Variants in CMTM8 observed in about 807,000 individuals in gnomAD.
CMTM8 encodes CKLF-like MARVEL transmembrane domain-containing protein 8.
A neutral mutation model predicts 18.6 loss-of-function variants in CMTM8; 12 were observed. The observed-to-expected ratio is 0.65, with a 90% CI of 0.41 to 1.05. The LOEUF is 1.05. Ranked by LOEUF, CMTM8 falls within the 50% of genes least tolerant of loss-of-function variation. The pLI is 0.00. For missense variants in CMTM8, 217 were observed against 227.2 expected (o/e 0.95, Z 0.29); for synonymous variants, 87 against 90.6 (o/e 0.96, Z 0.23).
At chr3:32,297,261 C>G (rs946209993) in intron 1 of CMTM8, among the ~76,000 whole-genome samples, 1 of 152,184 alleles carries the variant, frequency 6.6e-6, no homozygotes, top group African/African-American at 2.4e-5. Flanking sequence ...TCACTGCAAC[C>G]TCCACCTCCT....
chr3:32,298,845 GTGTA>G lies in CMTM8; in HGVS notation c.148-58526_148-58523del, dbSNP rs1236023110. Among the ~76,000 whole-genome samples, 2 of 132,146 alleles carry G rather than the reference GTGTA, an allele frequency of 1.5e-5. 1 individual carries two copies. The highest frequency in any genetic ancestry group is 3.2e-5 in the Non-Finnish European group (2 of 62,880). The allele number at this position is 132,146 out of a possible 152,430, so 86.7% of individuals were successfully genotyped here. ...TGTGTATGTGTATATATATGTGTGT[GTGTA>G]TATACACACACACATATATATACAC... On this transcript the variant is annotated intron_variant, in intron 1 of 3. Coordinates refer to ENST00000307526, the MANE Select transcript of CMTM8 (RefSeq NM_178868.5).
At chr3:32,355,971 A>G (rs1434224366) in intron 1 of CMTM8, among the ~76,000 whole-genome samples, 1 of 152,100 alleles carries the variant, frequency 6.6e-6, no homozygotes, top group East Asian at 1.9e-4. Context: ...TTCCCCCATC[A>G]TAGACCCTTA....
At chr3:32,312,705 C>T (rs1175051750) in intron 1 of CMTM8, among the ~76,000 whole-genome samples, 4 of 152,024 alleles carry the variant, frequency 2.6e-5, no homozygotes. Flanking sequence ...TCCCTCTTCC[C>T]TACCCAGAGG....
chr3:32,267,570 GC>G (rs901979395), intron 1 of CMTM8, among the ~76,000 whole-genome samples: 1 of 152,144 alleles, frequency 6.6e-6, no homozygotes, highest in Non-Finnish European at 1.5e-5. Flanking sequence ...AACACCAAAA[GC>G]AATGGCAACA....
chr3:32,360,890 G>A (rs1444057505), intron 2 of CMTM8, among the ~76,000 whole-genome samples: 1 of 152,234 alleles, frequency 6.6e-6, no homozygotes, highest in Admixed American at 6.5e-5. Context: ...ATAATTCTTA[G>A]GCATCTAAAA....
chr3:32,342,133 A>C (rs1398423621), intron 1 of CMTM8, among the ~76,000 whole-genome samples: 1 of 152,026 alleles, frequency 6.6e-6, no homozygotes, highest in Non-Finnish European at 1.5e-5. Context: ...TTGTAATCCC[A>C]GCTACTCAGG....
intron 2 of CMTM8, among the ~76,000 whole-genome samples, chr3:32,367,143 G>T (rs1697054417): frequency 6.6e-6 from 1 of 152,164 alleles, no homozygotes; most frequent in Non-Finnish European, 1.5e-5. Flanking sequence ...TTTCTGCTCT[G>T]GTTTCACCTC....
At chr3:32,296,945 A>G (rs1255993011) in intron 1 of CMTM8, among the ~76,000 whole-genome samples, 1 of 152,148 alleles carries the variant, frequency 6.6e-6, no homozygotes, top group Admixed American at 6.5e-5. Flanking sequence ...TATTGTAAAT[A>G]AGGGATCCTG....
intron 2 of CMTM8, among the ~76,000 whole-genome samples, chr3:32,361,484 A>G (rs1696930814): frequency 6.6e-6 from 1 of 152,076 alleles, no homozygotes; most frequent in Admixed American, 6.6e-5. Flanking sequence ...AGCTTTTACT[A>G]CCAAATGACT....
chr3:32,288,702 AT>A (rs2125554717), intron 1 of CMTM8, among the ~76,000 whole-genome samples: 1 of 152,136 alleles, frequency 6.6e-6, no homozygotes, highest in East Asian at 1.9e-4. Context: ...GCATTTCACC[AT>A]GTTAGCCAGG....
chr3:32,315,911 T>G (rs1393152873), intron 1 of CMTM8, among the ~76,000 whole-genome samples: 1 of 152,166 alleles, frequency 6.6e-6, no homozygotes, highest in Non-Finnish European at 1.5e-5. Context: ...TGGATCCATT[T>G]TGAGAAACTC....
At chr3:32,332,837 T>C (rs1236926871) in intron 1 of CMTM8, among the ~76,000 whole-genome samples, 1 of 152,204 alleles carries the variant, frequency 6.6e-6, no homozygotes, top group African/African-American at 2.4e-5. Context: ...TCATTGGTCC[T>C]CAAAAGGCCC....
rs374469343 is a variant in CMTM8 at position 32,357,528 on chromosome 3, G to C, written c.303G>C (p.Gln101His). The C allele has an allele frequency of 6.2e-7, 1 of 1,613,958 alleles. No homozygotes were observed. The highest frequency in any genetic ancestry group is 1.3e-5 in the African/African-American group (1 of 74,896). Residue 101 changes from glutamine to histidine, a missense_variant, in exon 2 of 4, where the codon CAG (glutamine) becomes CAC (histidine). Gln to His is a conservative substitution (Grantham distance 24). Transcript: ENST00000307526. The part of the protein sequence containing the change: ...YITMTYTRIP[Q>H]VPWTTVGLCF... ...CAATGACCTACACCAGGATTCCCCA[G>C]GTGCCCTGGACAACAGTGGTAAGGA...
At chr3:32,255,347 A>G (rs1702163123) in intron 1 of CMTM8, among the ~76,000 whole-genome samples, 1 of 152,186 alleles carries the variant, frequency 6.6e-6, no homozygotes, top group African/African-American at 2.4e-5. Context: ...GAACTGCCAG[A>G]CTATTTTTCA....
chr3:32,306,097 G>T (rs1170507116), intron 1 of CMTM8, among the ~76,000 whole-genome samples: 1 of 152,150 alleles, frequency 6.6e-6, no homozygotes, highest in Non-Finnish European at 1.5e-5. Context: ...TCGTGAGTCT[G>T]TGGGGTTGGT....
intron 1 of CMTM8, among the ~76,000 whole-genome samples, chr3:32,254,984 C>T (rs114154711): frequency 0.013 from 2,052 of 152,306 alleles, 45 homozygotes; most frequent in African/African-American, 0.046. Context: ...CTATTTTGGA[C>T]ATTTCCTATA....
intron 1 of CMTM8, among the ~76,000 whole-genome samples, chr3:32,281,330 TTTGA>T (rs1702606467): frequency 6.6e-6 from 1 of 152,180 alleles, no homozygotes; most frequent in Admixed American, 6.5e-5. Context: ...CTTGGAACGT[TTTGA>T]TTAATTTAGC....
chr3:32,344,907 C>G (rs1696565496), intron 1 of CMTM8, among the ~76,000 whole-genome samples: 1 of 151,908 alleles, frequency 6.6e-6, no homozygotes, highest in Admixed American at 6.6e-5. Context: ...AAACAAAAAA[C>G]CTGACATTTG....
At chr3:32,254,730 GAC>G (rs1036855045) in intron 1 of CMTM8, among the ~76,000 whole-genome samples, 1 of 151,650 alleles carries the variant, frequency 6.6e-6, no homozygotes, top group Non-Finnish European at 1.5e-5. Context: ...AAAAAAAAAT[GAC>G]AGCTTTATTG....
Sources: gnomAD v4.1 joint callset for allele counts (sites outside exome capture counted in the v4.1 genomes callset) on GRCh38, gnomAD v4.1.1 for gene constraint, MANE v1.5 for transcripts, NCBI Gene and HGNC (gene_info 2026-07-23, HGNC 2026-07-21) for gene names.